Variants in SEC14L6 observed in about 807,000 individuals in gnomAD.
SEC14L6 encodes SEC14 like lipid binding 6, also known as SEC14-like protein 6.
In SEC14L6, 40 loss-of-function variants were observed where a neutral mutation model predicts 54.1. That is an observed-to-expected ratio of 0.74 (90% CI 0.57 to 0.96). The LOEUF (loss-of-function observed/expected upper bound fraction) is 0.96. Among genes scored for constraint, SEC14L6 ranks in the 40% least tolerant of loss-of-function variants. The pLI is 0.00. For synonymous variants in SEC14L6, 171 were observed against 198.4 expected, an observed-to-expected ratio of 0.86 and a Z score of 1.16; for missense variants, 471 against 498.3, an observed-to-expected ratio of 0.95 and a Z score of 0.52.
rs1337873529 is a variant in SEC14L6, at chr22:30,532,528, C to G, written c.420G>C (p.Gln140His). The change falls in exon 5 of 12, where the codon CAG becomes CAC. Residue 140 changes from glutamine (Q) to histidine (H), a missense_variant. By Grantham distance (24) the Gln-to-His change is conservative. Coordinates refer to ENST00000402034, the MANE Select transcript of SEC14L6 (RefSeq NM_001193336.4). The stretch of plus-strand genomic sequence containing the variant: ...GCCCAGGGTGGCACCCACACACCTT[C>G]TGACTCTGCAGCTCACACTCCCGCA... ...LLLRECELQSQKLGKRVEKII... is the reference protein window; with the variant it reads ...LLLRECELQSHKLGKRVEKII... 4 of 1,548,550 alleles carry G rather than the reference C, an allele frequency of 2.6e-6. No homozygotes were observed. Among genetic ancestry groups the G allele is most frequent in the Admixed American group, 2.0e-5 (1 of 50,900 alleles).
intron 1 of SEC14L6, chr22:30,542,566 G>A (rs1057231706): frequency 9.2e-6 from 13 of 1,405,794 alleles, no homozygotes; most frequent in Non-Finnish European, 1.2e-5. Context: ...CGGCGTAGCC[G>A]CGGCCCATGG....
Position 30,529,164 on chromosome 22 carries a change from T to C in SEC14L6, c.587A>G (p.Lys196Arg), listed in dbSNP as rs1936882756. The C allele has an allele frequency of 3.2e-6, 5 of 1,550,714 alleles. No homozygotes were observed. In the South Asian group the frequency reaches 4.8e-5, roughly 15 times the overall value. ...LKSLIVVRAP[K>R]LFAVAFNLVK... is the part of the protein sequence containing the mutation. ...CAGGTTGAAGGCTACGGCGAATAGC[T>C]TGGGGGCTGAAACCAGGCACAGAAC... The change falls in exon 8 of 12, where the codon AAG becomes AGG. Residue 196 changes from lysine (K) to arginine (R), a missense_variant. Coordinates refer to ENST00000402034, the MANE Select transcript of SEC14L6 (RefSeq NM_001193336.4).
chr22:30,545,521 A>C (rs984702760), intron 1 of SEC14L6, among the ~76,000 whole-genome samples: 1 of 151,872 alleles, frequency 6.6e-6, no homozygotes, highest in African/African-American at 2.4e-5. Context: ...CAGCCTCCCG[A>C]GTAGCTGGGA....
In SEC14L6 at chr22:30,538,864, G is replaced by A. The variant is rs2085646755; in HGVS notation, c.93C>T (p.Pro31=). 6.4e-7 allele frequency: 1 copy of A among 1,557,380 alleles called. No individual in the cohort carries two copies. The highest frequency in any genetic ancestry group is 1.2e-5 in the South Asian group (1 of 84,376). ...GCAGGAGGAAGTAGTCATCAGGATT[G>A]GGCAGCGCAGATAGCACATCTTGGA... The part of the protein sequence containing the change: ...ENIQDVLSAL[P]NPDDYFLLRW... The change falls in exon 2 of 12, where the codon CCC becomes CCT. Residue 31 remains proline (P), a synonymous_variant. Coordinates refer to ENST00000402034, the MANE Select transcript of SEC14L6 (RefSeq NM_001193336.4).
At chr22:30,527,662 C>T (rs1936818793) in intron 8 of SEC14L6, among the ~76,000 whole-genome samples, 1 of 144,180 alleles carries the variant, frequency 6.9e-6, no homozygotes, top group Non-Finnish European at 1.5e-5. Context: ...CTGCAGTGAG[C>T]CAAGATCATG....
At chr22:30,538,461 C>T (rs2085639642) in intron 2 of SEC14L6, among the ~76,000 whole-genome samples, 1 of 152,184 alleles carries the variant, frequency 6.6e-6, no homozygotes, top group Admixed American at 6.5e-5. Flanking sequence ...GGGAAGCCAA[C>T]TGCCATGTTG....
chr22:30,545,561 T>TTTG (rs368479887), intron 1 of SEC14L6, among the ~76,000 whole-genome samples: 20 of 151,586 alleles, frequency 1.3e-4, no homozygotes, highest in African/African-American at 3.4e-4. Context: ...CACCCAGCTA[T>TTTG]TTGTTGTTGT....
chr22:30,531,426 AAAAG>A (rs542363184), intron 6 of SEC14L6, among the ~76,000 whole-genome samples: 2,467 of 150,516 alleles, frequency 0.016, 61 homozygotes, highest in African/African-American at 0.057. Flanking sequence ...AAAAGAAAAG[AAAAG>A]AAAAAAAAAA....
intron 6 of SEC14L6, among the ~76,000 whole-genome samples, chr22:30,531,513 T>A (rs1260022725): frequency 6.6e-6 from 1 of 151,588 alleles, no homozygotes; most frequent in South Asian, 2.1e-4. Context: ...TCACCTGAGG[T>A]TGGGAGTTCG....
chr22:30,539,008 C>G, intron 1 of SEC14L6, 106 bp from the exon 2 acceptor site: 1 of 742,218 alleles, frequency 1.3e-6, no homozygotes. Flanking sequence ...AGGTCCCACT[C>G]GGGCTGGGAG....
In SEC14L6 at chr22:30,523,292, C is replaced by T. The variant is rs1157004501; in HGVS notation, c.*1705G>A. On this transcript the variant is annotated 3_prime_UTR_variant, in exon 12 of 12. Coordinates refer to ENST00000402034, the MANE Select transcript of SEC14L6 (RefSeq NM_001193336.4). ...AGCCAGACCCAAAGAGGCCTGATCG[C>T]AGGACAGCACTCTAGTAGGACTGTG... The T allele has an allele frequency of 6.6e-6, 1 of 152,238 alleles. No homozygotes were observed. The highest frequency in any genetic ancestry group is 2.4e-5 in the African/African-American group (1 of 41,444). The allele number at this position is 152,238 out of a possible 1,614,324, so 9.4% of individuals were successfully genotyped here.
chr22:30,543,210 T>C (rs937984761), intron 1 of SEC14L6: 1 of 1,603,570 alleles, frequency 6.2e-7, no homozygotes, highest in African/African-American at 1.3e-5. Context: ...GCACAGCCAA[T>C]GTGGTGCTGA....
rs2085757891 is a variant in SEC14L6 at position 30,543,313 on chromosome 22, A to C, written c.54+3316T>G. 2.5e-5 allele frequency: 39 copies of C among 1,574,040 alleles called. 1 individual carries two copies. In the South Asian group the frequency reaches 4.3e-4, roughly 17 times the overall value. On this transcript the variant is annotated intron_variant, in intron 1 of 11. Coordinates refer to ENST00000402034, the MANE Select transcript of SEC14L6 (RefSeq NM_001193336.4). ...TCGTGGGACTGCCAACTTGTCTGAGACTATCCAAGTTCCACCCACCTTGGA... is the reference window on the plus strand; with the variant it reads ...TCGTGGGACTGCCAACTTGTCTGAGCCTATCCAAGTTCCACCCACCTTGGA...
chr22:30,527,714 CAA>C (rs778118906), intron 8 of SEC14L6, among the ~76,000 whole-genome samples: 32 of 30,146 alleles, frequency 1.1e-3, no homozygotes, highest in African/African-American at 3.2e-3. Context: ...GACCTTGTCT[CAA>C]AAAAAAAAAA....
intron 1 of SEC14L6, among the ~76,000 whole-genome samples, chr22:30,542,385 G>A (rs532019153): frequency 5.1e-4 from 78 of 152,352 alleles, no homozygotes; most frequent in Middle Eastern, 6.8e-3. Flanking sequence ...CGCGCGGCCG[G>A]AGTCCGGAGG....
rs2085792139 is a variant in SEC14L6, at chr22:30,545,729, TG to T, written c.54+899del. Among the ~76,000 whole-genome samples, 6 of 152,238 alleles carry T rather than the reference TG, an allele frequency of 3.9e-5. No homozygotes were observed. In the South Asian group the frequency reaches 1.2e-3, roughly 31 times the overall value. ...GCCCGAGCTACTGCACCAGACCAGT[TG>T]TTTTTATATTGATTAGATTATATAT... is the stretch of plus-strand genomic sequence containing the variant. On this transcript the variant is annotated intron_variant, in intron 1 of 11. Transcript: ENST00000402034.
intron 1 of SEC14L6, chr22:30,543,745 C>T: frequency 2.5e-6 from 4 of 1,580,676 alleles, no homozygotes; most frequent in Non-Finnish European, 3.5e-6. Flanking sequence ...GGCTCTCTAC[C>T]TCGTCCGAAT....
At chr22:30,540,163 C>T (rs1351789328) in intron 1 of SEC14L6, among the ~76,000 whole-genome samples, 1 of 152,150 alleles carries the variant, frequency 6.6e-6, no homozygotes, top group Non-Finnish European at 1.5e-5. Flanking sequence ...TGGGCTAAGC[C>T]TTAAATGAAT....
rs2085771759 is a variant in SEC14L6 at position 30,544,048 on chromosome 22, TCA to T, written c.54+2579_54+2580del. On this transcript the variant is annotated intron_variant, in intron 1 of 11. Coordinates refer to ENST00000402034, the MANE Select transcript of SEC14L6 (RefSeq NM_001193336.4). ...GGCCCCCAAGCCCGAGCTGTCCTTC[TCA>T]GAGTATGCCAGCATCCAGGTCCCGA... 1.9e-6 allele frequency: 3 copies of T among 1,539,606 alleles called. No homozygotes were observed. The Admixed American group carries it at 5.0e-5, about 26-fold the overall frequency.
Sources: gnomAD v4.1 joint callset for allele counts (sites outside exome capture counted in the v4.1 genomes callset) on GRCh38, gnomAD v4.1.1 for gene constraint, MANE v1.5 for transcripts, NCBI Gene and HGNC (gene_info 2026-07-23, HGNC 2026-07-21) for gene names.